The following SEC22A variants were observed in gnomAD, a reference collection of about 807,000 sequenced individuals.
SEC22A encodes vesicle-trafficking protein SEC22a.
A neutral mutation model predicts 35.3 loss-of-function variants in SEC22A; 22 were observed. The ratio of observed to expected loss-of-function variants is 0.62; its 90% CI spans 0.45 to 0.89. The LOEUF is 0.89. SEC22A is among the 40% of genes least tolerant of loss of function. The pLI is 0.00. For synonymous variants in SEC22A, 119 were observed against 129.5 expected (o/e 0.92, Z 0.55); for missense variants, 354 against 362.5 (o/e 0.98, Z 0.19).
intron 2 of SEC22A, among the ~76,000 whole-genome samples, chr3:123,218,686 C>T (rs1937072796): frequency 6.6e-6 from 1 of 152,134 alleles, no homozygotes; most frequent in African/African-American, 2.4e-5. Context: ...AAGTTCTACT[C>T]TCTTCTGTCA....
chr3:123,223,917 G>T (rs1424755645), intron 3 of SEC22A, among the ~76,000 whole-genome samples, 195 bp downstream of exon 3: 3 of 152,134 alleles, frequency 2.0e-5, no homozygotes, highest in African/African-American at 7.2e-5. Context: ...CTGTGAAGGG[G>T]ATTGTGAGTA....
At chr3:123,266,908 G>T (rs1430384859) in intron 6 of SEC22A, among the ~76,000 whole-genome samples, 1 of 152,040 alleles carries the variant, frequency 6.6e-6, no homozygotes, top group African/African-American at 2.4e-5. Flanking sequence ...CAGTTCTATT[G>T]CTTCATATAT....
At chr3:123,268,291 C>CT (rs926254803) in intron 6 of SEC22A, among the ~76,000 whole-genome samples, 1 of 152,058 alleles carries the variant, frequency 6.6e-6, no homozygotes. Flanking sequence ...TATTGAGGGT[C>CT]TTTTTTGTTG....
At chr3:123,243,005 A>G (rs1189242260) in intron 4 of SEC22A, among the ~76,000 whole-genome samples, 2 of 152,086 alleles carry the variant, frequency 1.3e-5, no homozygotes, top group African/African-American at 4.8e-5. Context: ...CCCATTGTCT[A>G]ATTTTCCATA....
chr3:123,246,195 A>G lies in SEC22A; in HGVS notation c.657+181A>G, dbSNP rs552548401. Among the ~76,000 whole-genome samples, 3 of 152,244 alleles carry G rather than the reference A, an allele frequency of 2.0e-5. No homozygotes were observed. The South Asian group carries it at 6.2e-4, about 32-fold the overall frequency. ...GGTTGGCTTCTTTGATTCCATTGGC[A>G]CATGTTTATCATCTGCTCTTTAGGA... On this transcript the variant is annotated intron_variant, in intron 5 of 6. Transcript: ENST00000492595.
chr3:123,234,896 G>A (rs13434068), intron 4 of SEC22A, among the ~76,000 whole-genome samples: 29,862 of 151,866 alleles, frequency 0.2, 3,038 homozygotes, highest in Middle Eastern at 0.28. Flanking sequence ...GGTGGCGCAC[G>A]CCTGTAGTCC....
intron 6 of SEC22A, among the ~76,000 whole-genome samples, chr3:123,266,310 A>G (rs577788856): frequency 6.6e-6 from 1 of 150,928 alleles, no homozygotes; most frequent in African/African-American, 2.4e-5. Context: ...TATCTTTACT[A>G]TTTTCTTCCA....
chr3:123,229,035 C>T (rs534537792), intron 4 of SEC22A, among the ~76,000 whole-genome samples: 45 of 151,608 alleles, frequency 3.0e-4, no homozygotes, highest in African/African-American at 3.9e-4. Flanking sequence ...GATAGGATAC[C>T]GAAGAAGAAG....
chr3:123,239,890 G>A lies in SEC22A; in HGVS notation c.542-6009G>A, dbSNP rs375006287. 1.4e-4 allele frequency among the ~76,000 whole-genome samples: 21 copies of A among 152,262 alleles called. No homozygotes were observed. The East Asian group carries it at 1.5e-3, about 11-fold the overall frequency. ...GCCATTGCATGCAAGAACTTTTATT[G>A]TGGTTTTGGTGGTAAGGAATGGGTG... is the stretch of plus-strand genomic sequence containing the variant. On this transcript the variant is annotated intron_variant, in intron 4 of 6. Transcript: ENST00000492595.
chr3:123,264,214 T>C (rs1937968886), intron 6 of SEC22A, among the ~76,000 whole-genome samples: 1 of 152,208 alleles, frequency 6.6e-6, no homozygotes, highest in Non-Finnish European at 1.5e-5. Flanking sequence ...CCAGCTTCAT[T>C]TACTTATTGA....
intron 5 of SEC22A, among the ~76,000 whole-genome samples, chr3:123,257,804 C>T (rs7617261): frequency 0.2 from 29,646 of 151,464 alleles, 2,999 homozygotes; most frequent in Middle Eastern, 0.27. Context: ...TCCTGGCTAA[C>T]GCAGTGAAAC....
At chr3:123,268,950 C>T (rs970780189) in intron 6 of SEC22A, among the ~76,000 whole-genome samples, 6 of 151,978 alleles carry the variant, frequency 3.9e-5, no homozygotes, top group African/African-American at 7.3e-5. Context: ...GTCTGTTACT[C>T]GTGATTATAT....
intron 2 of SEC22A, among the ~76,000 whole-genome samples, chr3:123,218,496 T>C (rs1025976801): frequency 5.9e-5 from 9 of 151,822 alleles, no homozygotes; most frequent in African/African-American, 2.2e-4. Flanking sequence ...GTAATGACAG[T>C]GATAAAGGGA....
chr3:123,219,126 A>G (rs1937080826), intron 2 of SEC22A, among the ~76,000 whole-genome samples: 1 of 152,168 alleles, frequency 6.6e-6, no homozygotes, highest in African/African-American at 2.4e-5. Flanking sequence ...GAGCATTGCA[A>G]GTGGGGAAGA....
At chr3:123,263,834 C>A (rs1417569772) in intron 6 of SEC22A, among the ~76,000 whole-genome samples, 1 of 151,968 alleles carries the variant, frequency 6.6e-6, no homozygotes, top group African/African-American at 2.4e-5. Flanking sequence ...GGAGATTCAG[C>A]CAAGTTGTTG....
At chr3:123,253,580 C>T (rs1002245754) in intron 5 of SEC22A, among the ~76,000 whole-genome samples, 2 of 151,952 alleles carry the variant, frequency 1.3e-5, no homozygotes, top group African/African-American at 4.8e-5. Flanking sequence ...AGCGCGGTGG[C>T]AGGTGCCTAT....
intron 1 of SEC22A, among the ~76,000 whole-genome samples, chr3:123,208,122 G>A (rs924625075): frequency 1.3e-5 from 2 of 151,918 alleles, no homozygotes; most frequent in African/African-American, 4.8e-5. Context: ...TTATGTTTGT[G>A]TAAAACAACA....
At chr3:123,268,824 T>C (rs536818863) in intron 6 of SEC22A, among the ~76,000 whole-genome samples, 51 of 152,318 alleles carry the variant, frequency 3.3e-4, no homozygotes, top group African/African-American at 1.2e-3. Context: ...GTCGTGTACC[T>C]TTTGATCTAT....
chr3:123,266,966 T>G (rs1414674323), intron 6 of SEC22A, among the ~76,000 whole-genome samples: 1 of 152,206 alleles, frequency 6.6e-6, no homozygotes, highest in African/African-American at 2.4e-5. Context: ...TTGCTGTGTC[T>G]TCTTGTTGGG....
Sources: gnomAD v4.1 joint callset for allele counts (sites outside exome capture counted in the v4.1 genomes callset) on GRCh38, gnomAD v4.1.1 for gene constraint, MANE v1.5 for transcripts, NCBI Gene and HGNC (gene_info 2026-07-23, HGNC 2026-07-21) for gene names.